Variants in SETD5 observed in about 807,000 individuals in gnomAD.
SETD5 encodes the protein SET domain containing 5.
In SETD5, 44 loss-of-function variants were observed where a neutral mutation model predicts 153.3. The observed-to-expected ratio is 0.29, with a 90% CI of 0.23 to 0.37. The LOEUF is 0.37. Among genes scored for constraint, SETD5 ranks in the 10% least tolerant of loss-of-function variants. The pLI is 1.00. For synonymous variants in SETD5, 716 were observed against 645.2 expected, an observed-to-expected ratio of 1.11 and a Z score of -1.66; for missense variants, 1,544 against 1,768.0, an observed-to-expected ratio of 0.87 and a Z score of 2.27.
At chr3:9,464,998 G>T (rs1317460564) in intron 18 of SETD5, 1 of 339,452 alleles carries the variant, frequency 2.9e-6, no homozygotes, top group Non-Finnish European at 5.7e-6. Flanking sequence ...GTCAAAATAG[G>T]CCTCTAGCTG....
intron 1 of SETD5, among the ~76,000 whole-genome samples, chr3:9,413,049 TTAAAA>T (rs2036837486): frequency 6.6e-6 from 1 of 152,088 alleles, no homozygotes; most frequent in Non-Finnish European, 1.5e-5. Context: ...GTTTTAAATT[TTAAAA>T]TAAAAGTATT....
chr3:9,434,714 T>C lies in SETD5; in HGVS notation c.330-110T>C. On this transcript the variant is annotated intron_variant, in intron 5 of 22. Coordinates refer to ENST00000402198, the MANE Select transcript of SETD5 (RefSeq NM_001080517.3). The surrounding 1 kb of genome is among the most constrained non-coding windows in gnomAD (Gnocchi z 5.6). ...TGAAATTTAATGTCCTGGAAACATT[T>C]GGTAGGTGGGAGGGAGGGGGTAGCA... 1.4e-6 allele frequency: 2 copies of C among 1,467,968 alleles called. No homozygotes were observed. Among genetic ancestry groups the C allele is most frequent in the Non-Finnish European group, 1.8e-6 (2 of 1,104,658 alleles). 90.9% of individuals were successfully genotyped at this position (1,467,968 alleles called of 1,614,324 possible).
chr3:9,470,365 C>T, intron 18 of SETD5, 94 bp from the exon 19 acceptor site: 2 of 897,230 alleles, frequency 2.2e-6, no homozygotes, highest in Non-Finnish European at 1.8e-6. Context: ...TCTTATCTTT[C>T]CCTGTTCACC....
intron 18 of SETD5, among the ~76,000 whole-genome samples, chr3:9,465,880 C>T (rs1233795001): frequency 6.6e-6 from 1 of 152,104 alleles, no homozygotes; most frequent in African/African-American, 2.4e-5. Flanking sequence ...CAGTTTGCAC[C>T]TAGAGCTTTA....
At chr3:9,458,929 A>G (rs1419488772) in intron 17 of SETD5, among the ~76,000 whole-genome samples, 1 of 152,216 alleles carries the variant, frequency 6.6e-6, no homozygotes, top group Non-Finnish European at 1.5e-5. Flanking sequence ...AACTAGACTC[A>G]GACACATCTT....
chr3:9,429,431 A>T (rs1251285092), intron 3 of SETD5: 2 of 165,050 alleles, frequency 1.2e-5, no homozygotes, highest in Non-Finnish European at 2.6e-5. Flanking sequence ...AAAGGGGCCG[A>T]AACTATATGG....
At chr3:9,435,326 A>C (rs1233197245) in intron 6 of SETD5, among the ~76,000 whole-genome samples, 1 of 152,082 alleles carries the variant, frequency 6.6e-6, no homozygotes, top group Non-Finnish European at 1.5e-5. Context: ...AAGAGATAGA[A>C]GTCCTCTCAA....
At chr3:9,469,623 A>G (rs1048114644) in intron 18 of SETD5, among the ~76,000 whole-genome samples, 7 of 152,226 alleles carry the variant, frequency 4.6e-5, no homozygotes, top group Admixed American at 3.3e-4. Context: ...AGATTCTAAG[A>G]TAACGTAATT....
chr3:9,433,900 C>T lies in SETD5; in HGVS notation c.127C>T (p.His43Tyr), dbSNP rs762017924. 11 of 1,613,930 alleles carry T rather than the reference C, an allele frequency of 6.8e-6. No homozygotes were observed. Among genetic ancestry groups the T allele is most frequent in the Non-Finnish European group, 6.8e-6 (8 of 1,179,854 alleles). ...TAATGAGAAGAGCGTGTATTCCACT[C>T]ATAATTATGGGACCACTCAGAGGCA... ...AVNEKSVYST[H>Y]NYGTTQRHGC... The change falls in exon 4 of 23, where the codon CAT becomes TAT. Residue 43 changes from histidine to tyrosine, a missense_variant. His to Tyr is a moderately conservative substitution (Grantham distance 83, BLOSUM62 2). Transcript: ENST00000402198.
chr3:9,469,523 A>G, intron 18 of SETD5, among the ~76,000 whole-genome samples: 1 of 152,186 alleles, frequency 6.6e-6, no homozygotes, highest in East Asian at 1.9e-4. Context: ...AAACTGAAAA[A>G]GGTTTTATTC....
downstream of SETD5, chr3:9,478,154 ACTT>A (rs1575644341): frequency 6.5e-6 from 1 of 153,676 alleles, no homozygotes; most frequent in African/African-American, 2.4e-5. Flanking sequence ...AAAGTTGAGA[ACTT>A]CTTTGTCCAA....
At chr3:9,427,597 G>A (rs1238654315) in intron 2 of SETD5, among the ~76,000 whole-genome samples, 5 of 152,130 alleles carry the variant, frequency 3.3e-5, no homozygotes, top group Non-Finnish European at 7.4e-5. Flanking sequence ...GACTCAGTCG[G>A]TATCATGTAC....
intron 16 of SETD5, among the ~76,000 whole-genome samples, chr3:9,453,233 C>G (rs1196647497): frequency 1.3e-5 from 2 of 152,074 alleles, no homozygotes; most frequent in Non-Finnish European, 2.9e-5. Flanking sequence ...TTTGGAAACG[C>G]TTTTGGTACC....
Position 9,431,593 on chromosome 3 carries a change from A to G in SETD5, c.72-2252A>G, listed in dbSNP as rs532115542. The G allele has an allele frequency of 2.9e-5, 29 of 985,676 alleles. No individual in the cohort carries two copies. The East Asian group carries it at 2.0e-3, about 69-fold the overall frequency. The allele number at this position is 985,676 out of a possible 1,614,324, so 61.1% of individuals were successfully genotyped here. On this transcript the variant is annotated intron_variant, in intron 3 of 22. Coordinates refer to ENST00000402198, the MANE Select transcript of SETD5 (RefSeq NM_001080517.3). Reference sequence around the variant, plus strand: ...TTCTTCATCAGAAGATATGAGTTTAAATTTTATATTTGGCATGCACAGCAA... The same window carrying G: ...TTCTTCATCAGAAGATATGAGTTTAGATTTTATATTTGGCATGCACAGCAA...
intron 1 of SETD5, among the ~76,000 whole-genome samples, chr3:9,412,384 TG>T (rs1381365903): frequency 7.1e-6 from 1 of 141,780 alleles, no homozygotes; most frequent in African/African-American, 2.7e-5. Flanking sequence ...TGCACAGTTT[TG>T]GGTTTTTTTT....
chr3:9,454,664 A>G (rs1405205292), intron 17 of SETD5, among the ~76,000 whole-genome samples: 1 of 148,788 alleles, frequency 6.7e-6, no homozygotes, highest in African/African-American at 2.4e-5. Flanking sequence ...ATTTTTTAAG[A>G]CAGCTTTAAA....
chr3:9,417,699 A>G (rs1258289178), intron 1 of SETD5, among the ~76,000 whole-genome samples: 1 of 151,194 alleles, frequency 6.6e-6, no homozygotes, highest in African/African-American at 2.4e-5. Context: ...GTTAGCCAGG[A>G]TGGTCTCGAT....
rs1005086262 is a variant in SETD5, at chr3:9,448,258, C to G, written c.2104-130C>G. On this transcript the variant is annotated intron_variant, in intron 15 of 22. Coordinates refer to ENST00000402198, the MANE Select transcript of SETD5 (RefSeq NM_001080517.3). ...GGGTGAAGGAAGATATCCTTGTGTT[C>G]TAGTTGCTCAATTCATTCTTACTGC... 1.2e-4 allele frequency: 166 copies of G among 1,374,258 alleles called. 1 individual carries two copies. Among genetic ancestry groups the G allele is most frequent in the Non-Finnish European group, 1.5e-4 (153 of 1,030,134 alleles). 85.1% of individuals were successfully genotyped at this position (1,374,258 alleles called of 1,614,324 possible).
At chr3:9,402,719 C>T (rs2035000992) in intron 1 of SETD5, among the ~76,000 whole-genome samples, 1 of 152,010 alleles carries the variant, frequency 6.6e-6, no homozygotes, top group Non-Finnish European at 1.5e-5. Flanking sequence ...TACTTTTGGC[C>T]TATGTTATGA....
Sources: allele counts gnomAD v4.1 joint callset (sites outside exome capture counted in the v4.1 genomes callset), GRCh38; gene constraint gnomAD v4.1.1; non-coding constraint Gnocchi (gnomAD v3.1); transcripts MANE v1.5; gene names NCBI Gene and HGNC (gene_info 2026-07-23, HGNC 2026-07-21).